The following ZDHHC7 variants were observed in gnomAD, a reference collection of about 807,000 sequenced individuals.
ZDHHC7 encodes palmitoyltransferase ZDHHC7.
Under a neutral mutation model 34.1 loss-of-function variants are expected in ZDHHC7, and 12 were observed. The observed-to-expected ratio is 0.35, with a 90% CI of 0.23 to 0.57. ZDHHC7 has a LOEUF of 0.57. ZDHHC7 is among the 20% of genes least tolerant of loss of function. The pLI is 0.84. For synonymous variants in ZDHHC7, 185 were observed against 155.4 expected, an observed-to-expected ratio of 1.19 and a Z score of -1.42; for missense variants, 388 against 402.7, an observed-to-expected ratio of 0.96 and a Z score of 0.31.
At chr16:85,027,260 C>T in the ZDHHC7 span, among the ~76,000 whole-genome samples, 4 of 151,996 alleles carry the variant, frequency 2.6e-5, no homozygotes, top group Non-Finnish European at 4.4e-5. Flanking sequence ...ATTTTTATAC[C>T]ATTTATTTAT....
At chr16:85,017,435 A>T in the ZDHHC7 span, among the ~76,000 whole-genome samples, 1 of 152,180 alleles carries the variant, frequency 6.6e-6, no homozygotes, top group African/African-American at 2.4e-5. Context: ...TGCCCTGGAC[A>T]ACTCACAGGA....
chr16:84,976,266 T>A lies in ZDHHC7; in HGVS notation c.*77A>T. 6.4e-7 allele frequency: 1 copy of A among 1,557,632 alleles called. No homozygotes were observed. The highest frequency in any genetic ancestry group is 1.9e-5 in the Admixed American group (1 of 51,650). ...TTCCAGTTGCCCTGTTGGTCACAGA[T>A]GAGCTGTTGATATCCTTCAGACCCC... On this transcript the variant is annotated 3_prime_UTR_variant, in exon 8 of 8. Transcript: ENST00000313732.
intron 1 of ZDHHC7, among the ~76,000 whole-genome samples, chr16:84,997,090 A>AAG (rs2072589122): frequency 6.6e-6 from 1 of 151,990 alleles, no homozygotes; most frequent in South Asian, 2.1e-4. Flanking sequence ...AATGAAGGGT[A>AAG]AGAGTCCAGA....
rs1375769445 is a variant in ZDHHC7 at position 84,976,333 on chromosome 16, G to A, written c.*10C>T. The A allele has an allele frequency of 6.2e-6, 10 of 1,612,214 alleles. No individual in the cohort carries two copies. In the South Asian group the frequency reaches 1.1e-4, roughly 18 times the overall value. The stretch of plus-strand genomic sequence containing the variant: ...GTCTGTGAGCAAGTTTCAGTCTGAT[G>A]AGCCACGCCTCACACTGAGAACTCC... On this transcript the variant is annotated 3_prime_UTR_variant, in exon 8 of 8. Coordinates refer to ENST00000313732, the MANE Select transcript of ZDHHC7 (RefSeq NM_017740.3).
intron 1 of ZDHHC7, among the ~76,000 whole-genome samples, chr16:84,996,427 G>A (rs1002821312): frequency 1.3e-5 from 2 of 152,134 alleles, no homozygotes; most frequent in African/African-American, 4.8e-5. Context: ...TAGAATGGCA[G>A]GCCCTGCTGT....
intron 5 of ZDHHC7, among the ~76,000 whole-genome samples, chr16:84,978,542 T>C (rs187025146): frequency 1.6e-4 from 25 of 151,808 alleles, no homozygotes; most frequent in South Asian, 1.1e-3. Flanking sequence ...AAGACCAGCC[T>C]GGGCAACACA....
chr16:85,008,560 G>A (rs2072748052), intron 1 of ZDHHC7, among the ~76,000 whole-genome samples: 1 of 151,726 alleles, frequency 6.6e-6, no homozygotes. Context: ...GCAGTCCTGT[G>A]TGGACTGGCA....
intron 3 of ZDHHC7, among the ~76,000 whole-genome samples, chr16:84,983,813 A>G (rs1481866364): frequency 2.0e-5 from 3 of 151,788 alleles, no homozygotes; most frequent in Non-Finnish European, 4.4e-5. Flanking sequence ...CAGCCTGGCA[A>G]AGATGGCGAA....
At chr16:85,020,985 G>C in the ZDHHC7 span, among the ~76,000 whole-genome samples, 1 of 152,028 alleles carries the variant, frequency 6.6e-6, no homozygotes, top group Non-Finnish European at 1.5e-5. Flanking sequence ...CACACCTGTA[G>C]TGCCAGCTAC....
In ZDHHC7 at chr16:84,990,527, G is replaced by C. The variant is rs1339902904; in HGVS notation, c.92C>G (p.Ser31Cys). 1 of 1,614,048 alleles carries C rather than the reference G, an allele frequency of 6.2e-7. No homozygotes were observed. Among genetic ancestry groups the C allele is most frequent in the East Asian group, 2.2e-5 (1 of 44,890 alleles). Residue 31 changes from serine (S) to cysteine (C), a missense_variant, in exon 3 of 8, where the codon TCC becomes TGC. Transcript: ENST00000313732. ...DNYDSSSSSSSEADVADRVWF... is the reference protein window; with the variant it reads ...DNYDSSSSSSCEADVADRVWF... ...GACCCGGTCAGCCACGTCAGCCTCG[G>C]AGGAGGAGGACGATGAAGAGTCATA...
At chr16:85,011,774 G>A (rs184198504), upstream of ZDHHC7, among the ~76,000 whole-genome samples, 123 of 152,340 alleles carry the variant, frequency 8.1e-4, no homozygotes, top group Admixed American at 1.4e-3. Flanking sequence ...CACGCCGTTA[G>A]GCTGCGGAAC....
At chr16:85,000,344 G>A (rs2072637918) in intron 1 of ZDHHC7, among the ~76,000 whole-genome samples, 1 of 152,116 alleles carries the variant, frequency 6.6e-6, no homozygotes, top group African/African-American at 2.4e-5. Flanking sequence ...CCCTGTCTTG[G>A]ATTTACTTGT....
At chr16:85,003,989 A>G (rs1258997028) in intron 1 of ZDHHC7, among the ~76,000 whole-genome samples, 1 of 152,084 alleles carries the variant, frequency 6.6e-6, no homozygotes, top group African/African-American at 2.4e-5. Flanking sequence ...CATGCTCTCC[A>G]CAAAGGAGCT....
At chr16:85,005,325 C>T (rs2072704779) in intron 1 of ZDHHC7, among the ~76,000 whole-genome samples, 1 of 152,164 alleles carries the variant, frequency 6.6e-6, no homozygotes, top group African/African-American at 2.4e-5. Flanking sequence ...ATATGACATG[C>T]TAACAATACA....
At chr16:84,990,770 A>C (rs992821930) in intron 2 of ZDHHC7, 135 bp from the exon 3 acceptor site, 4 of 717,904 alleles carry the variant, frequency 5.6e-6, no homozygotes, top group Non-Finnish European at 9.0e-6. Flanking sequence ...GAACATAAAA[A>C]CATAACTAAG....
chr16:84,990,049 T>C (rs999329570), intron 3 of ZDHHC7, among the ~76,000 whole-genome samples: 1 of 152,102 alleles, frequency 6.6e-6, no homozygotes, highest in East Asian at 1.9e-4. Context: ...AGGAACAGCC[T>C]GAAAGCCCAG....
At chr16:84,988,649 T>G (rs1332878835) in intron 3 of ZDHHC7, 1 of 880,052 alleles carries the variant, frequency 1.1e-6, no homozygotes, top group African/African-American at 1.7e-5. Flanking sequence ...TGAGTAGCTG[T>G]AGAGTCTGAG....
upstream of ZDHHC7, among the ~76,000 whole-genome samples, chr16:85,011,730 G>C (rs988612051): frequency 4.6e-5 from 7 of 152,210 alleles, no homozygotes; most frequent in East Asian, 9.7e-4. Flanking sequence ...GGAGGAGAAA[G>C]GATAGGGGCT....
chr16:85,023,673 C>T, the ZDHHC7 span, among the ~76,000 whole-genome samples: 3 of 152,206 alleles, frequency 2.0e-5, no homozygotes, highest in South Asian at 4.1e-4. Context: ...GGCTGGAGTG[C>T]AGCGGCACAA....
Sources: gnomAD v4.1 joint callset for allele counts (sites outside exome capture counted in the v4.1 genomes callset) on GRCh38, gnomAD v4.1.1 for gene constraint, MANE v1.5 for transcripts, NCBI Gene and HGNC (gene_info 2026-07-23, HGNC 2026-07-21) for gene names.